NDST1: variants seen among roughly 807,000 people sequenced by gnomAD.
The protein encoded by NDST1 is bifunctional heparan sulfate N-deacetylase/N-sulfotransferase 1.
A neutral mutation model predicts 92.8 loss-of-function variants in NDST1; 35 were observed. The ratio of observed to expected loss-of-function variants is 0.38; its 90% CI spans 0.29 to 0.50. NDST1 has a LOEUF of 0.50. NDST1 is among the 20% of genes least tolerant of loss of function. The probability of loss-of-function intolerance (pLI) is 0.94; values close to 1 mark genes in which losing one functional copy is unlikely to be tolerated. For synonymous variants in NDST1, 493 were observed against 500.3 expected (o/e 0.99, Z 0.19); for missense variants, 822 against 1,182.7 (o/e 0.69, Z 4.47).
Position 150,545,007 on chromosome 5 carries a change from G to A in NDST1, c.1971-305G>A, listed in dbSNP as rs571715121. Among the ~76,000 whole-genome samples the A allele has an allele frequency of 2.6e-5, 4 of 152,162 alleles. No homozygotes were observed. In the South Asian group the frequency reaches 8.3e-4, roughly 31 times the overall value. ...GAGCAGCTGAGGGGGCGGGATCCTA[G>A]AGTTTAGGATTGAGGGGCATTACCC... is the stretch of plus-strand genomic sequence containing the variant. On this transcript the variant is annotated intron_variant, in intron 10 of 14. Coordinates refer to ENST00000261797, the MANE Select transcript of NDST1 (RefSeq NM_001543.5).
chr5:150,504,886 G>A (rs1020703730), upstream of NDST1, among the ~76,000 whole-genome samples: 22 of 152,198 alleles, frequency 1.4e-4, no homozygotes, highest in Non-Finnish European at 2.8e-4. Context: ...AAAGTCGTGA[G>A]CATGGAGGAG....
intron 3 of NDST1, among the ~76,000 whole-genome samples, chr5:150,529,749 T>C (rs570958486): frequency 1.3e-5 from 2 of 152,310 alleles, no homozygotes; most frequent in East Asian, 1.9e-4. Context: ...TAGAAACATA[T>C]TAGCACCAAA....
chr5:150,539,084 G>A lies in NDST1; in HGVS notation c.1438-144G>A, dbSNP rs1271432198. 1.0e-5 allele frequency: 7 copies of A among 688,020 alleles called. No homozygotes were observed. The African/African-American group carries it at 1.1e-4, about 10-fold the overall frequency. 42.6% of individuals were successfully genotyped at this position (688,020 alleles called of 1,614,324 possible). A position where few individuals can be genotyped will look rare whatever the true frequency, so the allele number is the denominator to read the frequency against. ...CACTGGGGGGAACGCTGTGCTGTAG[G>A]CTGCACCCAAGGGTAGGGGCTGTGC... is the stretch of plus-strand genomic sequence containing the variant. On this transcript the variant is annotated intron_variant, in intron 6 of 14. Transcript: ENST00000261797.
chr5:150,522,220 AGACAGTTTG>A lies in NDST1; in HGVS notation c.513+455_513+463del, dbSNP rs539616397. Reference sequence around the variant, plus strand: ...GAAGCCGAGATTTGAACCTAGACATAGACAGTTTGGGCTCTCTATCCCATGCTCTTCCCT... The same window carrying A: ...GAAGCCGAGATTTGAACCTAGACATAGGCTCTCTATCCCATGCTCTTCCCT... On this transcript the variant is annotated intron_variant, in intron 2 of 14. Coordinates refer to ENST00000261797, the MANE Select transcript of NDST1 (RefSeq NM_001543.5). Among the ~76,000 whole-genome samples the A allele has an allele frequency of 9.6e-4, 146 of 151,726 alleles. 1 individual carries two copies. Among genetic ancestry groups the A allele is most frequent in the South Asian group, 8.2e-3 (39 of 4,780 alleles).
At chr5:150,530,233 T>A (rs576185713) in intron 3 of NDST1, among the ~76,000 whole-genome samples, 30 of 152,246 alleles carry the variant, frequency 2.0e-4, no homozygotes, top group Non-Finnish European at 4.3e-4. Context: ...GCGCTGCTTT[T>A]ACGCATTGTG....
At position 150,557,562 on chromosome 5, in the gene NDST1, G is replaced by A. The variant is rs1413327652; in HGVS notation, c.*4230G>A. The stretch of plus-strand genomic sequence containing the variant: ...TGACCATCTTCCTCCCAGGCCCTCA[G>A]TTTCTTCATCTGTAGAATGAGCAGA... On this transcript the variant is annotated 3_prime_UTR_variant, in exon 15 of 15. Transcript: ENST00000261797. The surrounding 1 kb of genome is among the most constrained non-coding windows in gnomAD (Gnocchi z 4.7). 1.3e-5 allele frequency: 2 copies of A among 152,336 alleles called. No individual in the cohort carries two copies. The highest frequency in any genetic ancestry group is 2.4e-5 in the African/African-American group (1 of 41,468). The allele number at this position is 152,336 out of a possible 1,614,324, so 9.4% of individuals were successfully genotyped here. A position where few individuals can be genotyped will look rare whatever the true frequency, so the allele number is the denominator to read the frequency against.
intron 2 of NDST1, among the ~76,000 whole-genome samples, chr5:150,525,926 A>G (rs1402249707): frequency 1.3e-5 from 2 of 152,126 alleles, no homozygotes; most frequent in African/African-American, 4.8e-5. Flanking sequence ...AGAACCTGTC[A>G]TCCTTTGATG....
At chr5:150,530,719 C>G (rs1754690792) in intron 3 of NDST1, among the ~76,000 whole-genome samples, 1 of 152,028 alleles carries the variant, frequency 6.6e-6, no homozygotes, top group Non-Finnish European at 1.5e-5. Flanking sequence ...CCACCATACC[C>G]AGCTTACCCA....
chr5:150,544,982 G>T (rs1006597454), intron 10 of NDST1, among the ~76,000 whole-genome samples: 9 of 152,172 alleles, frequency 5.9e-5, no homozygotes, highest in African/African-American at 2.2e-4. Context: ...GTTAAGCCTG[G>T]AGCAGCTGAG....
At position 150,528,025 on chromosome 5, in the gene NDST1, G is replaced by A. The variant is rs763683878; in HGVS notation, c.735G>A (p.Ser245=). The change falls in exon 3 of 15, where the codon TCG becomes TCA. Residue 245 remains serine, a synonymous_variant. Transcript: ENST00000261797. ...YEPVLLAKTR[S]SESIPHLGAD... ...CAGTGCTGCTGGCCAAGACGCGCTCGTCTGAGTCCATCCCACACCTGGGCG... is the reference window on the plus strand; with the variant it reads ...CAGTGCTGCTGGCCAAGACGCGCTCATCTGAGTCCATCCCACACCTGGGCG... 6.2e-6 allele frequency: 10 copies of A among 1,613,522 alleles called. No individual in the cohort carries two copies. In the East Asian group the frequency reaches 6.7e-5, roughly 11 times the overall value.
At chr5:150,550,946 T>C (rs1237895367) in intron 13 of NDST1, 1 of 152,604 alleles carries the variant, frequency 6.6e-6, no homozygotes, top group Non-Finnish European at 1.5e-5. Context: ...AAGTGCTAAA[T>C]AAACGGTAGC....
chr5:150,498,063 T>C (rs530706395), exon 1 of NDST1: 1 of 152,842 alleles, frequency 6.5e-6, no homozygotes, highest in South Asian at 2.1e-4. Context: ...GAAGGCTGGG[T>C]GTCCCTGTGG....
chr5:150,508,630 C>T (rs1470230291), intron 1 of NDST1, among the ~76,000 whole-genome samples: 1 of 152,128 alleles, frequency 6.6e-6, no homozygotes, highest in Non-Finnish European at 1.5e-5. Flanking sequence ...ACGGGGGAAG[C>T]TGAAATGGTG....
intron 6 of NDST1, 131 bp downstream of exon 6, chr5:150,536,016 C>G: frequency 9.2e-7 from 1 of 1,083,572 alleles, no homozygotes; most frequent in African/African-American, 1.6e-5. Context: ...CTTCTGCTGC[C>G]TCCTCTGGCA....
At chr5:150,545,696 C>T (rs995944213) in intron 11 of NDST1, among the ~76,000 whole-genome samples, 1 of 152,256 alleles carries the variant, frequency 6.6e-6, no homozygotes, top group South Asian at 2.1e-4. Flanking sequence ...TGACTGTCCA[C>T]CTGCCTAGTG....
At chr5:150,516,139 C>A (rs989826628) in intron 1 of NDST1, among the ~76,000 whole-genome samples, 26 of 152,206 alleles carry the variant, frequency 1.7e-4, no homozygotes, top group Non-Finnish European at 3.4e-4. Flanking sequence ...TTCAGACATG[C>A]TGTGAGAGGA....
Position 150,539,312 on chromosome 5 carries a change from A to C in NDST1, c.1522A>C (p.Ile508Leu). 1 of 1,614,060 alleles carries C rather than the reference A, an allele frequency of 6.2e-7. No homozygotes were observed. Among genetic ancestry groups the C allele is most frequent in the Non-Finnish European group, 8.5e-7 (1 of 1,180,012 alleles). The change falls in exon 7 of 15, where the codon ATC becomes CTC. Residue 508 changes from isoleucine (I) to leucine (L), a missense_variant. Coordinates refer to ENST00000261797, the MANE Select transcript of NDST1 (RefSeq NM_001543.5). Reference protein sequence around the residue: ...YPGGSSELDKIINGGELFLTV... With the variant: ...YPGGSSELDKLINGGELFLTV... ...TGGCGGCTCCAGTGAGCTGGACAAG[A>C]TCATCAACGGGGGCGAGCTCTTCCT...
rs759176107 is a variant in NDST1 at position 150,535,652 on chromosome 5, AG to A, written c.1252-44del. The A allele has an allele frequency of 5.6e-6, 9 of 1,607,932 alleles. No homozygotes were observed. In the South Asian group the frequency reaches 8.8e-5, roughly 16 times the overall value. On this transcript the variant is annotated intron_variant, in intron 5 of 14. Coordinates refer to ENST00000261797, the MANE Select transcript of NDST1 (RefSeq NM_001543.5). ...TCTACAAAGGGGGGATAAGGCCCAAAGGGGAAGGACCCCTATGCTCACCCTG... is the reference window on the plus strand; with the variant it reads ...TCTACAAAGGGGGGATAAGGCCCAAAGGGAAGGACCCCTATGCTCACCCTG...
At position 150,521,293 on chromosome 5, in the gene NDST1, C is replaced by G. The variant is rs777877507; in HGVS notation, c.39C>G (p.His13Gln). 3 of 1,612,262 alleles carry G rather than the reference C, an allele frequency of 1.9e-6. No homozygotes were observed. Among genetic ancestry groups the G allele is most frequent in the Non-Finnish European group, 2.5e-6 (3 of 1,179,890 alleles). The change falls in exon 2 of 15, where the codon CAC (histidine) becomes CAG (glutamine). Residue 13 changes from histidine to glutamine, a missense_variant. Coordinates refer to ENST00000261797, the MANE Select transcript of NDST1 (RefSeq NM_001543.5). The surrounding 1 kb of genome is among the most constrained non-coding windows in gnomAD (Gnocchi z 5.9). ...ALACLRRLCRHVSPQAVLFLL... is the reference protein window; with the variant it reads ...ALACLRRLCRQVSPQAVLFLL... ...CATGCCTCCGGAGGCTGTGTCGGCA[C>G]GTGTCCCCGCAGGCTGTCCTTTTCC...
Sources: allele counts gnomAD v4.1 joint callset (sites outside exome capture counted in the v4.1 genomes callset), GRCh38; gene constraint gnomAD v4.1.1; non-coding constraint Gnocchi (gnomAD v3.1); transcripts MANE v1.5; gene names NCBI Gene and HGNC (gene_info 2026-07-23, HGNC 2026-07-21).